CHM: variants seen among roughly 807,000 people sequenced by gnomAD.
The protein encoded by CHM is rab proteins geranylgeranyltransferase component A 1.
CHM carries 10 observed loss-of-function variants against 49.0 expected under a neutral mutation model. The observed-to-expected ratio is 0.20, with a 90% CI of 0.13 to 0.35. The LOEUF (loss-of-function observed/expected upper bound fraction) is 0.35. Ranked by LOEUF, CHM falls within the 10% of genes least tolerant of loss-of-function variation. The pLI is 1.00. For synonymous variants in CHM, 184 were observed against 167.5 expected, an observed-to-expected ratio of 1.10 and a Z score of -0.76; for missense variants, 455 against 478.4, an observed-to-expected ratio of 0.95 and a Z score of 0.46.
At chrX:85,914,018 C>T (rs369384231) in intron 8 of CHM, among the ~76,000 whole-genome samples, 40 of 111,471 alleles carry the variant, frequency 3.6e-4, no homozygotes, top group Non-Finnish European at 6.4e-4. Flanking sequence ...TGGCCACTAG[C>T]GGCTCCTAAA....
Position 86,047,452 on chromosome X carries a change from A to T in CHM, c.49+32T>A, listed in dbSNP as rs1569266588. On this transcript the variant is annotated intron_variant, in intron 1 of 14. Transcript: ENST00000357749. ...AACAGAAACAAGACAGTCTTCCTAA[A>T]CTTTGTCCAGGAAGCACCAGGCTAC... 3 of 1,188,506 alleles carry T rather than the reference A, an allele frequency of 2.5e-6. No individual in the cohort carries two copies. The Middle Eastern group carries it at 7.0e-4, about 277-fold the overall frequency.
intron 1 of CHM, among the ~76,000 whole-genome samples, chrX:86,041,467 T>C (rs1603287247): frequency 9.1e-6 from 1 of 109,938 alleles, no homozygotes; most frequent in Middle Eastern, 4.6e-3. Flanking sequence ...TGTTTCATAC[T>C]ATACCTCAAA....
chrX:85,899,669 G>T (rs1926120370), intron 11 of CHM, among the ~76,000 whole-genome samples: 1 of 94,506 alleles, frequency 1.1e-5, no homozygotes, highest in African/African-American at 4.0e-5. Flanking sequence ...AATCCAAAAT[G>T]CTCTAAACCC....
chrX:85,930,226 G>T (rs1372228909), intron 8 of CHM, among the ~76,000 whole-genome samples: 1 of 112,115 alleles, frequency 8.9e-6, no homozygotes, highest in Non-Finnish European at 1.9e-5. Flanking sequence ...GGCTATCAAA[G>T]AATGTTAGAA....
chrX:86,014,135 G>A (rs1933193165), intron 2 of CHM, among the ~76,000 whole-genome samples: 1 of 111,697 alleles, frequency 9.0e-6, no homozygotes, highest in Non-Finnish European at 1.9e-5. Flanking sequence ...ATACAGCATC[G>A]AAAAGAAAAA....
chrX:85,978,661 G>A, intron 4 of CHM, 106 bp downstream of exon 4: 6 of 820,433 alleles, frequency 7.3e-6, no homozygotes, highest in Admixed American at 4.9e-5. Context: ...GCATATTAAC[G>A]TGACTTGTAG....
At chrX:85,922,738 G>A (rs1031778059) in intron 8 of CHM, among the ~76,000 whole-genome samples, 2 of 111,707 alleles carry the variant, frequency 1.8e-5, no homozygotes, top group Non-Finnish European at 3.8e-5. Context: ...TCTTTCATAG[G>A]CAATGACTCC....
intron 11 of CHM, among the ~76,000 whole-genome samples, chrX:85,897,872 G>A (rs1376753779): frequency 2.7e-5 from 3 of 111,335 alleles, no homozygotes; most frequent in Non-Finnish European, 5.6e-5. Context: ...CTCTGTGGGT[G>A]TAGTGAAAGG....
intron 2 of CHM, among the ~76,000 whole-genome samples, chrX:86,013,412 T>C (rs970461147): frequency 3.6e-5 from 4 of 111,483 alleles, no homozygotes; most frequent in African/African-American, 1.3e-4. Flanking sequence ...TGCGTCACTA[T>C]AAAACAAGTA....
rs189947198 is a variant in CHM at position 86,016,538 on chromosome X, G to A, written c.116+10953C>T. 4.0e-3 allele frequency among the ~76,000 whole-genome samples: 446 copies of A among 112,873 alleles called. 2 individuals are homozygous for A. The highest frequency in any genetic ancestry group is 6.1e-3 in the Non-Finnish European group (323 of 53,329). The stretch of plus-strand genomic sequence containing the variant: ...AGCTCAGGCCGTGGCTTCAGAGGGT[G>A]CAAGCCCAAAGCCTTGGCAGCTTCC... On this transcript the variant is annotated intron_variant, in intron 2 of 14. Coordinates refer to ENST00000357749, the MANE Select transcript of CHM (RefSeq NM_000390.4).
At chrX:85,966,508 G>A (rs998105448) in intron 4 of CHM, among the ~76,000 whole-genome samples, 2 of 111,394 alleles carry the variant, frequency 1.8e-5, no homozygotes, top group African/African-American at 6.5e-5. Context: ...ACAGCATTAA[G>A]AATGAAGAGT....
At chrX:86,044,383 G>C (rs867423802) in intron 1 of CHM, among the ~76,000 whole-genome samples, 1 of 112,098 alleles carries the variant, frequency 8.9e-6, no homozygotes, top group South Asian at 3.7e-4. Flanking sequence ...AACATTCCTT[G>C]TATCTTCTAA....
intron 1 of CHM, among the ~76,000 whole-genome samples, chrX:86,041,690 G>GTA (rs3078123): frequency 4.5e-4 from 41 of 90,378 alleles, no homozygotes; most frequent in East Asian, 2.9e-3. Flanking sequence ...GTGTGTTTAT[G>GTA]TATATATATA....
At chrX:86,018,579 T>C (rs1037680352) in intron 2 of CHM, among the ~76,000 whole-genome samples, 2 of 112,261 alleles carry the variant, frequency 1.8e-5, no homozygotes, top group South Asian at 7.3e-4. Context: ...CCAAAACAAC[T>C]ATATAAATGT....
intron 1 of CHM, among the ~76,000 whole-genome samples, chrX:86,038,785 T>A (rs937073839): frequency 5.1e-4 from 57 of 112,078 alleles, no homozygotes; most frequent in African/African-American, 1.7e-3. Flanking sequence ...ACAGATGTCA[T>A]GATGCTGTCA....
At chrX:85,879,928 T>C (rs774620813) in intron 12 of CHM, among the ~76,000 whole-genome samples, 1 of 109,961 alleles carries the variant, frequency 9.1e-6, no homozygotes, top group Non-Finnish European at 1.9e-5. Context: ...TCTCTTCCAA[T>C]AGTTTATTTC....
intron 9 of CHM, among the ~76,000 whole-genome samples, chrX:85,905,406 T>G (rs998211219): frequency 2.7e-5 from 3 of 111,940 alleles, no homozygotes; most frequent in African/African-American, 9.8e-5. Context: ...TGCCAAGCAC[T>G]GTTCTAAGAG....
chrX:85,947,700 A>C (rs2147649057), intron 8 of CHM, among the ~76,000 whole-genome samples: 1 of 112,033 alleles, frequency 8.9e-6, no homozygotes, highest in East Asian at 2.8e-4. Context: ...CCCTGAAACT[A>C]AAAGTTAAAA....
Position 86,009,109 on chromosome X carries a change from A to C in CHM, c.116+18382T>G, listed in dbSNP as rs151185372. 3.2e-3 allele frequency among the ~76,000 whole-genome samples: 360 copies of C among 112,249 alleles called. 2 individuals carry two copies. Among genetic ancestry groups the C allele is most frequent in the African/African-American group, 0.011 (343 of 30,961 alleles). ...TAGCATTTGTGAAGTGTCTACCCTC[A>C]TATGGTGCTCTGCCAAGTAACAAAG... On this transcript the variant is annotated intron_variant, in intron 2 of 14. Coordinates refer to ENST00000357749, the MANE Select transcript of CHM (RefSeq NM_000390.4).
Sources: allele counts gnomAD v4.1 joint callset (sites outside exome capture counted in the v4.1 genomes callset), GRCh38; gene constraint gnomAD v4.1.1; transcripts MANE v1.5; gene names NCBI Gene and HGNC (gene_info 2026-07-23, HGNC 2026-07-21).